Variants in GRIK4 observed in about 807,000 individuals in gnomAD.
The protein encoded by GRIK4 is glutamate receptor ionotropic, kainate 4.
GRIK4 carries 40 observed loss-of-function variants against 104.9 expected under a neutral mutation model. The observed-to-expected ratio is 0.38, with a 90% CI of 0.30 to 0.50. The LOEUF is 0.50. Among genes scored for constraint, GRIK4 ranks in the 20% least tolerant of loss-of-function variants. GRIK4 has a pLI of 0.93. For missense variants in GRIK4, 1,047 were observed against 1,308.1 expected, an observed-to-expected ratio of 0.80 and a Z score of 3.08; for synonymous variants, 485 against 524.9, an observed-to-expected ratio of 0.92 and a Z score of 1.04.
intron 18 of GRIK4, among the ~76,000 whole-genome samples, chr11:120,963,938 C>T (rs1591339274): frequency 6.7e-6 from 1 of 149,982 alleles, no homozygotes; most frequent in East Asian, 2.0e-4. Context: ...TATTAGTGTC[C>T]TTCTCATTTC....
At chr11:120,838,769 T>G (rs1448333665) in intron 8 of GRIK4, among the ~76,000 whole-genome samples, 3 of 151,820 alleles carry the variant, frequency 2.0e-5, no homozygotes, top group Non-Finnish European at 4.4e-5. Context: ...TTTATTTTGT[T>G]TTTGTGTGTG....
intron 3 of GRIK4, among the ~76,000 whole-genome samples, chr11:120,660,829 G>T (rs1004651004): frequency 3.9e-5 from 6 of 152,174 alleles, no homozygotes; most frequent in African/African-American, 1.4e-4. Flanking sequence ...GAAGCCAGGA[G>T]TCTGCTGGCG....
intron 3 of GRIK4, among the ~76,000 whole-genome samples, chr11:120,765,045 G>A (rs1469180598): frequency 1.3e-5 from 2 of 152,132 alleles, no homozygotes; most frequent in African/African-American, 4.8e-5. Flanking sequence ...ATATCCTGAT[G>A]TGTGTTTTCC....
chr11:120,778,275 G>A (rs1952082182), intron 3 of GRIK4, among the ~76,000 whole-genome samples: 1 of 152,202 alleles, frequency 6.6e-6, no homozygotes, highest in Non-Finnish European at 1.5e-5. Context: ...TGTAGGAGTT[G>A]AAAAGTGTCT....
chr11:120,851,736 G>A (rs558415699), intron 8 of GRIK4, among the ~76,000 whole-genome samples: 1 of 152,006 alleles, frequency 6.6e-6, no homozygotes, highest in South Asian at 2.1e-4. Context: ...CTATCTGAGA[G>A]CCTGGTGGCC....
At chr11:120,799,549 G>A (rs574300225) in intron 3 of GRIK4, among the ~76,000 whole-genome samples, 11 of 152,346 alleles carry the variant, frequency 7.2e-5, no homozygotes, top group South Asian at 2.1e-4. Context: ...GAGTCAGGCT[G>A]ACCTGGGCTC....
intron 1 of GRIK4, among the ~76,000 whole-genome samples, chr11:120,539,972 G>A (rs1303951352): frequency 1.3e-5 from 2 of 152,154 alleles, no homozygotes; most frequent in African/African-American, 4.8e-5. Context: ...GTTTGTGACA[G>A]GCAGCGAATC....
intron 1 of GRIK4, among the ~76,000 whole-genome samples, chr11:120,553,385 C>T (rs138626538): frequency 3.3e-5 from 5 of 152,222 alleles, no homozygotes; most frequent in Admixed American, 2.6e-4. Context: ...TAGGAAGTCA[C>T]GGGAGGCTGG....
intron 5 of GRIK4, among the ~76,000 whole-genome samples, chr11:120,818,991 A>G (rs1035333947): frequency 9.2e-5 from 14 of 152,258 alleles, no homozygotes; most frequent in African/African-American, 2.9e-4. Context: ...TAAAGCAGCC[A>G]TCACAGCCTC....
In GRIK4 at chr11:120,905,144, C is replaced by T; in HGVS notation, c.1273-146C>T. The T allele has an allele frequency of 1.4e-6, 1 of 699,334 alleles. No individual in the cohort carries two copies. Among genetic ancestry groups the T allele is most frequent in the Non-Finnish European group, 2.6e-6 (1 of 384,946 alleles). The allele number at this position is 699,334 out of a possible 1,614,324, so 43.3% of individuals were successfully genotyped here. A position where few individuals can be genotyped will look rare whatever the true frequency, so the allele number is the denominator to read the frequency against. ...CACATCAGGGAGAGGAGCTGGTCAT[C>T]ACCCCAAAGTAGCCCATTACCCACG... On this transcript the variant is annotated intron_variant, in intron 12 of 20. Transcript: ENST00000527524. This position sits in a 1 kb window ranked among gnomAD's most constrained non-coding sequence, Gnocchi z 5.1.
chr11:120,524,079 A>G lies in GRIK4; in HGVS notation c.-159+12192A>G, dbSNP rs1023487392. 6.6e-6 allele frequency among the ~76,000 whole-genome samples: 1 copy of G among 151,980 alleles called. No individual in the cohort carries two copies. Among genetic ancestry groups the G allele is most frequent in the African/African-American group, 2.4e-5 (1 of 41,368 alleles). ...GTAGCTGGGACTACAGGCGCACACC[A>G]CCATGCCTGGCTAATTTTTTGTATT... On this transcript the variant is annotated intron_variant, in intron 1 of 20. Transcript: ENST00000527524. The surrounding 1 kb of genome is among the most constrained non-coding windows in gnomAD (Gnocchi z 4.5).
chr11:120,646,704 A>T (rs983719167), intron 1 of GRIK4, among the ~76,000 whole-genome samples: 7 of 152,192 alleles, frequency 4.6e-5, no homozygotes, highest in African/African-American at 1.7e-4. Flanking sequence ...CTGTTCAATA[A>T]ATCTGAGAGA....
chr11:120,785,546 C>T (rs1023905055), intron 3 of GRIK4, among the ~76,000 whole-genome samples: 1 of 152,180 alleles, frequency 6.6e-6, no homozygotes, highest in Non-Finnish European at 1.5e-5. Context: ...TGTTCTTTAG[C>T]TAATTGTGGG....
chr11:120,553,650 T>C (rs1383933648), intron 1 of GRIK4, among the ~76,000 whole-genome samples: 1 of 152,204 alleles, frequency 6.6e-6, no homozygotes, highest in Non-Finnish European at 1.5e-5. Flanking sequence ...CAAACTGCAC[T>C]TGGCCTCCTC....
intron 1 of GRIK4, among the ~76,000 whole-genome samples, chr11:120,561,250 C>T (rs549993997): frequency 6.6e-6 from 1 of 152,170 alleles, no homozygotes; most frequent in South Asian, 2.1e-4. Flanking sequence ...GGGTGGGTTG[C>T]TGCGGGTCAT....
intron 1 of GRIK4, among the ~76,000 whole-genome samples, chr11:120,616,395 A>AG: frequency 6.6e-6 from 1 of 152,224 alleles, no homozygotes; most frequent in Non-Finnish European, 1.5e-5. Flanking sequence ...AGCTTTCATA[A>AG]GGGGTCCTGA....
chr11:120,698,568 A>G (rs1950494807), intron 3 of GRIK4, among the ~76,000 whole-genome samples: 2 of 152,238 alleles, frequency 1.3e-5, no homozygotes, highest in Admixed American at 1.3e-4. Flanking sequence ...ATCTCTTAGT[A>G]ATGTTCACAA....
chr11:120,875,131 T>C lies in GRIK4; in HGVS notation c.1060-8T>C, dbSNP rs758835137. The stretch of plus-strand genomic sequence containing the variant: ...GTTTGGTGCTGTAACTCACTCTCTC[T>C]TGGACAGGTAGAATTGGAAGGTCTT... On this transcript the variant is annotated splice_polypyrimidine_tract_variant and splice_region_variant and intron_variant, in intron 10 of 20. Coordinates refer to ENST00000527524, the MANE Select transcript of GRIK4 (RefSeq NM_014619.5). 6.3e-7 allele frequency: 1 copy of C among 1,576,784 alleles called. No individual in the cohort carries two copies. The highest frequency in any genetic ancestry group is 1.3e-5 in the African/African-American group (1 of 74,156).
chr11:120,647,663 A>G (rs975467754), intron 1 of GRIK4, among the ~76,000 whole-genome samples: 1 of 152,184 alleles, frequency 6.6e-6, no homozygotes, highest in Non-Finnish European at 1.5e-5. Context: ...TGTGGCCCAC[A>G]TCTTCCAAGA....
Sources: gnomAD v4.1 joint callset for allele counts (sites outside exome capture counted in the v4.1 genomes callset) on GRCh38, gnomAD v4.1.1 for gene constraint, Gnocchi (gnomAD v3.1) non-coding constraint, MANE v1.5 for transcripts, NCBI Gene and HGNC (gene_info 2026-07-23, HGNC 2026-07-21) for gene names.